Variants in CSMD3 observed in about 807,000 individuals in gnomAD.
CSMD3 encodes CUB and Sushi multiple domains 3, also known as CUB and sushi domain-containing protein 3.
Under a neutral mutation model 435.2 loss-of-function variants are expected in CSMD3, and 177 were observed. The observed-to-expected ratio is 0.41, with a 90% CI of 0.36 to 0.46. The LOEUF (loss-of-function observed/expected upper bound fraction) is 0.46, where lower values mean the gene tolerates loss of function less well. Among genes scored for constraint, CSMD3 ranks in the 20% least tolerant of loss-of-function variants. CSMD3 has a pLI of 0.34. For missense variants in CSMD3, 4,265 were observed against 4,504.6 expected (o/e 0.95, Z 1.52); for synonymous variants, 1,656 against 1,520.5 (o/e 1.09, Z -2.07).
chr8:112,319,881 A>G lies in CSMD3; in HGVS notation c.7246+20T>C. The G allele has an allele frequency of 1.9e-6, 3 of 1,563,308 alleles. No individual in the cohort carries two copies. Among genetic ancestry groups the G allele is most frequent in the Non-Finnish European group, 2.6e-6 (3 of 1,133,862 alleles). ...TCTGCCAGCAGTATGTTTTCCTTGAAAATAATTTAACAGCTTTACCTATTT... is the reference window on the plus strand; with the variant it reads ...TCTGCCAGCAGTATGTTTTCCTTGAGAATAATTTAACAGCTTTACCTATTT... On this transcript the variant is annotated intron_variant, in intron 46 of 70. Transcript: ENST00000297405.
intron 45 of CSMD3, among the ~76,000 whole-genome samples, chr8:112,328,587 C>A (rs1317357336): frequency 1.3e-5 from 2 of 152,110 alleles, no homozygotes. Context: ...GAAAATGAAT[C>A]AATGATCTGA....
intron 13 of CSMD3, among the ~76,000 whole-genome samples, chr8:112,765,269 C>A (rs555162116): frequency 4.6e-5 from 7 of 151,298 alleles, no homozygotes; most frequent in Middle Eastern, 3.4e-3. Context: ...ATGATGAGGT[C>A]TTGAGGATTT....
intron 4 of CSMD3, among the ~76,000 whole-genome samples, chr8:113,158,445 A>C (rs2131822685): frequency 6.6e-6 from 1 of 152,206 alleles, no homozygotes; most frequent in South Asian, 2.1e-4. Flanking sequence ...AAGTGATAAA[A>C]TACAAGATAA....
chr8:112,403,519 G>A (rs1283540704), intron 35 of CSMD3, among the ~76,000 whole-genome samples: 1 of 152,202 alleles, frequency 6.6e-6, no homozygotes, highest in African/African-American at 2.4e-5. Flanking sequence ...AGATTGGGAA[G>A]TCTAAGATCA....
Position 112,337,697 on chromosome 8 carries a change from C to G in CSMD3, c.6687G>C (p.Pro2229=), listed in dbSNP as rs142738941. 1 of 1,613,528 alleles carries G rather than the reference C, an allele frequency of 6.2e-7. No individual in the cohort carries two copies. Among genetic ancestry groups the G allele is most frequent in the Admixed American group, 1.7e-5 (1 of 59,958 alleles). The change falls in exon 43 of 71, where the codon CCG becomes CCC. Residue 2229 remains proline (P), a synonymous_variant. Coordinates refer to ENST00000297405, the MANE Select transcript of CSMD3 (RefSeq NM_198123.2). ...YQLQSCPDPR[P]FRNGFVIGND... is the part of the protein sequence containing the mutation. ...TACCAATTACAAAACCATTTCGAAA[C>G]GGGCGTGGATCAGGACAGCTTTGCA...
chr8:113,195,046 T>C (rs564164995), intron 3 of CSMD3, among the ~76,000 whole-genome samples: 2 of 151,394 alleles, frequency 1.3e-5, no homozygotes, highest in Middle Eastern at 3.4e-3. Context: ...AGGTCATTCA[T>C]TGTGCCTCTA....
intron 4 of CSMD3, among the ~76,000 whole-genome samples, chr8:113,119,572 C>T (rs1262117684): frequency 6.6e-6 from 1 of 152,016 alleles, no homozygotes; most frequent in East Asian, 1.9e-4. Flanking sequence ...GGAAAAGAAA[C>T]CAAAGACATA....
Position 112,437,126 on chromosome 8 carries a change from A to G in CSMD3, c.5396-28094T>C, listed in dbSNP as rs766556690. Among the ~76,000 whole-genome samples, 3 of 152,094 alleles carry G rather than the reference A, an allele frequency of 2.0e-5. No homozygotes were observed. The East Asian group carries it at 5.8e-4, about 29-fold the overall frequency. On this transcript the variant is annotated intron_variant, in intron 32 of 70. Coordinates refer to ENST00000297405, the MANE Select transcript of CSMD3 (RefSeq NM_198123.2). The stretch of plus-strand genomic sequence containing the variant: ...TAGTGCCTAAACCAAAAGGGATATG[A>G]AGAGATATATCAACATTCTAATGTT...
intron 16 of CSMD3, 80 bp from the exon 17 acceptor site, chr8:112,666,495 A>G: frequency 7.8e-7 from 1 of 1,278,308 alleles, no homozygotes; most frequent in South Asian, 1.3e-5. Flanking sequence ...AACAATTTCA[A>G]AAACAAGTCT....
intron 36 of CSMD3, among the ~76,000 whole-genome samples, chr8:112,389,401 T>C (rs1830225116): frequency 6.6e-6 from 1 of 152,190 alleles, no homozygotes; most frequent in South Asian, 2.1e-4. Flanking sequence ...TCCTTATTAT[T>C]CTACTATAAT....
intron 13 of CSMD3, among the ~76,000 whole-genome samples, chr8:112,747,962 C>CAAAAAAAAA (rs71309788): frequency 2.6e-4 from 25 of 96,744 alleles, no homozygotes; most frequent in African/African-American, 8.5e-4. Context: ...GACTCCGTCT[C>CAAAAAAAAA]AAAAAAAAAA....
At chr8:112,291,777 C>G in intron 55 of CSMD3, 82 bp from the exon 56 acceptor site, 1 of 886,318 alleles carries the variant, frequency 1.1e-6, no homozygotes, top group South Asian at 1.6e-5. Context: ...AATGTACATA[C>G]TTAGTTTCAA....
rs142435226 is a variant in CSMD3 at position 112,877,559 on chromosome 8, T to C, written c.1634-18293A>G. 5.9e-3 allele frequency among the ~76,000 whole-genome samples: 896 copies of C among 152,072 alleles called. 4 individuals carry two copies. The highest frequency in any genetic ancestry group is 0.02 in the African/African-American group (840 of 41,536). ...CTGGGATTACAGGCATGAGCCACCA[T>C]GTCTGACCTTAAATTTCATATGGAA... is the stretch of plus-strand genomic sequence containing the variant. On this transcript the variant is annotated intron_variant, in intron 10 of 70. Coordinates refer to ENST00000297405, the MANE Select transcript of CSMD3 (RefSeq NM_198123.2).
chr8:112,281,439 T>C (rs1005852488), intron 58 of CSMD3, 89 bp from the exon 59 acceptor site: 49 of 1,048,372 alleles, frequency 4.7e-5, no homozygotes, highest in Non-Finnish European at 7.1e-5. Context: ...TTCTTTCAAA[T>C]TATTCAAAGA....
At chr8:113,187,171 T>A (rs1487070758) in intron 3 of CSMD3, among the ~76,000 whole-genome samples, 1 of 151,740 alleles carries the variant, frequency 6.6e-6, no homozygotes, top group Non-Finnish European at 1.5e-5. Flanking sequence ...TTCTTCTTCT[T>A]TTCCTTTTTC....
chr8:112,767,069 C>T (rs1176672858), intron 13 of CSMD3, among the ~76,000 whole-genome samples: 1 of 151,608 alleles, frequency 6.6e-6, no homozygotes, highest in Non-Finnish European at 1.5e-5. Flanking sequence ...TAATTGTTTT[C>T]TATAGTAAAT....
intron 4 of CSMD3, among the ~76,000 whole-genome samples, chr8:113,152,322 CTA>C (rs1255196312): frequency 6.6e-6 from 1 of 152,018 alleles, no homozygotes; most frequent in Admixed American, 6.6e-5. Flanking sequence ...AAAATACTCT[CTA>C]TTTCACGAAG....
In CSMD3 at chr8:112,392,627, C is replaced by T. The variant is rs538326312; in HGVS notation, c.5810-1839G>A. On this transcript the variant is annotated intron_variant, in intron 35 of 70. Transcript: ENST00000297405. Reference sequence around the variant, plus strand: ...AAAATACTTTATAGATGCTCTTCCTCTCCATCGCCACCGCCACAACTTTTC... The same window carrying T: ...AAAATACTTTATAGATGCTCTTCCTTTCCATCGCCACCGCCACAACTTTTC... Among the ~76,000 whole-genome samples, 707 of 150,976 alleles carry T rather than the reference C, an allele frequency of 4.7e-3. 3 individuals are homozygous for T. The highest frequency in any genetic ancestry group is 7.2e-3 in the Non-Finnish European group (488 of 67,798).
At chr8:112,920,868 G>A (rs765254118) in intron 10 of CSMD3, among the ~76,000 whole-genome samples, 7 of 150,046 alleles carry the variant, frequency 4.7e-5, no homozygotes, top group Non-Finnish European at 1.0e-4. Flanking sequence ...ATTTAAAATT[G>A]TCCTCAATGA....
Sources: allele counts gnomAD v4.1 joint callset (sites outside exome capture counted in the v4.1 genomes callset), GRCh38; gene constraint gnomAD v4.1.1; transcripts MANE v1.5; gene names NCBI Gene and HGNC (gene_info 2026-07-23, HGNC 2026-07-21).